The following UNC13C variants were observed in gnomAD, a reference collection of about 807,000 sequenced individuals.
UNC13C encodes the protein protein unc-13 homolog C.
In UNC13C, 174 loss-of-function variants were observed where a neutral mutation model predicts 245.4. That is an observed-to-expected ratio of 0.71 (90% CI 0.63 to 0.80). The LOEUF (loss-of-function observed/expected upper bound fraction) is 0.80, where lower values mean the gene tolerates loss of function less well. Ranked by LOEUF, UNC13C falls within the 30% of genes least tolerant of loss-of-function variation. The pLI, the probability that UNC13C is intolerant of heterozygous loss-of-function variation, is 0.00. For missense variants in UNC13C, 2,829 were observed against 2,602.9 expected, an observed-to-expected ratio of 1.09 and a Z score of -1.89; for synonymous variants, 992 against 895.1, an observed-to-expected ratio of 1.11 and a Z score of -1.93.
the UNC13C span, among the ~76,000 whole-genome samples, chr15:53,927,367 G>C: frequency 6.6e-6 from 1 of 152,132 alleles, no homozygotes; most frequent in Non-Finnish European, 1.5e-5. Context: ...TTGGGATGTG[G>C]GTGTAAGAGT....
intron 19 of UNC13C, among the ~76,000 whole-genome samples, chr15:54,443,662 C>A (rs1890652889): frequency 6.6e-6 from 1 of 151,896 alleles, no homozygotes; most frequent in Admixed American, 6.6e-5. Context: ...TTCATTGACC[C>A]AATGATCATT....
At chr15:54,342,391 C>T (rs1017303723) in intron 17 of UNC13C, among the ~76,000 whole-genome samples, 8 of 151,860 alleles carry the variant, frequency 5.3e-5, no homozygotes, top group African/African-American at 1.7e-4. Flanking sequence ...ATAGCAAGAC[C>T]CTATCTCTAC....
chr15:54,321,150 TCTTA>T, intron 13 of UNC13C: 1 of 518,594 alleles, frequency 1.9e-6, no homozygotes, highest in Non-Finnish European at 3.8e-6. Flanking sequence ...ACAGGGCTTT[TCTTA>T]CTTCACAGTT....
intron 19 of UNC13C, among the ~76,000 whole-genome samples, chr15:54,477,382 G>C (rs1892810851): frequency 9.7e-6 from 1 of 103,302 alleles, no homozygotes; most frequent in Non-Finnish European, 2.0e-5. Flanking sequence ...TCCCTGTCTT[G>C]TGCCACTTTT....
chr15:54,087,233 TAAATC>T (rs977487022), intron 2 of UNC13C, among the ~76,000 whole-genome samples: 33 of 152,102 alleles, frequency 2.2e-4, no homozygotes, highest in African/African-American at 6.3e-4. Flanking sequence ...TTAAAAAAAA[TAAATC>T]AAAGAGTCTT....
intron 4 of UNC13C, among the ~76,000 whole-genome samples, chr15:54,229,951 GT>G (rs544158738): frequency 4.0e-5 from 6 of 150,826 alleles, no homozygotes; most frequent in East Asian, 1.9e-4. Context: ...AAATTGTAGG[GT>G]TTTTTTTTAA....
intron 2 of UNC13C, among the ~76,000 whole-genome samples, chr15:54,097,590 A>G (rs1899937802): frequency 6.6e-6 from 1 of 152,232 alleles, no homozygotes; most frequent in South Asian, 2.1e-4. Flanking sequence ...AAAATATCAG[A>G]GGCACAGAAG....
chr15:53,994,100 G>A (rs2140964222), intron 1 of UNC13C, among the ~76,000 whole-genome samples: 1 of 151,874 alleles, frequency 6.6e-6, no homozygotes, highest in Non-Finnish European at 1.5e-5. Context: ...TATCTTTTGT[G>A]ATTATTTATT....
At chr15:54,490,036 G>A (rs1893624247) in intron 19 of UNC13C, among the ~76,000 whole-genome samples, 1 of 152,110 alleles carries the variant, frequency 6.6e-6, no homozygotes. Flanking sequence ...TGTCCACGGA[G>A]AACAATAAAT....
chr15:54,453,714 G>A (rs1891312917), intron 19 of UNC13C, among the ~76,000 whole-genome samples: 1 of 152,112 alleles, frequency 6.6e-6, no homozygotes, highest in African/African-American at 2.4e-5. Flanking sequence ...TTTCAACAGT[G>A]TTCACTGCCA....
chr15:53,965,813 G>A, the UNC13C span, among the ~76,000 whole-genome samples: 7,135 of 150,996 alleles, frequency 0.047, 268 homozygotes, highest in African/African-American at 0.1. Flanking sequence ...GAGAATATGC[G>A]GTGTTTGGTT....
At chr15:54,576,605 T>G (rs2141230989) in intron 30 of UNC13C, among the ~76,000 whole-genome samples, 1 of 152,272 alleles carries the variant, frequency 6.6e-6, no homozygotes, top group South Asian at 2.1e-4. Flanking sequence ...CCAAGCTAAA[T>G]GTAAGAAAAT....
At chr15:53,989,345 T>C (rs547026064) in intron 1 of UNC13C, among the ~76,000 whole-genome samples, 27 of 147,024 alleles carry the variant, frequency 1.8e-4, no homozygotes, top group Admixed American at 1.8e-3. Flanking sequence ...AAAAAAAAAA[T>C]GTAGGCAATG....
intron 30 of UNC13C, among the ~76,000 whole-genome samples, chr15:54,595,135 G>A (rs868627835): frequency 8.5e-5 from 13 of 152,168 alleles, no homozygotes; most frequent in South Asian, 2.1e-4. Flanking sequence ...TTAACTTATC[G>A]GGACTGATAC....
At chr15:54,243,749 GT>G (rs993991403) in intron 7 of UNC13C, among the ~76,000 whole-genome samples, 1 of 152,130 alleles carries the variant, frequency 6.6e-6, no homozygotes, top group Middle Eastern at 3.4e-3. Flanking sequence ...TTCTTTTCAT[GT>G]TTTTTTGACT....
chr15:53,848,252 C>G, the UNC13C span, among the ~76,000 whole-genome samples: 1 of 151,916 alleles, frequency 6.6e-6, no homozygotes, highest in Non-Finnish European at 1.5e-5. Context: ...GTTTAATTTG[C>G]TCTTATTTTT....
intron 17 of UNC13C, among the ~76,000 whole-genome samples, chr15:54,362,213 G>C (rs1456000361): frequency 1.3e-5 from 2 of 152,200 alleles, no homozygotes; most frequent in Non-Finnish European, 1.5e-5. Flanking sequence ...GGCACTCCCA[G>C]TCTTTCCAGT....
intron 2 of UNC13C, among the ~76,000 whole-genome samples, chr15:54,038,140 T>TTTTTC (rs1555406257): frequency 1.6e-5 from 2 of 127,584 alleles, no homozygotes; most frequent in African/African-American, 6.4e-5. Flanking sequence ...TTTTTTTTTT[T>TTTTTC]CCTGAGACAG....
chr15:54,111,699 T>G (rs1264968547), intron 2 of UNC13C, among the ~76,000 whole-genome samples: 1 of 152,120 alleles, frequency 6.6e-6, no homozygotes, highest in Non-Finnish European at 1.5e-5. Flanking sequence ...ACAGGAGAGG[T>G]CCCGCTCATC....
Sources: gnomAD v4.1 joint callset for allele counts (sites outside exome capture counted in the v4.1 genomes callset) on GRCh38, gnomAD v4.1.1 for gene constraint, MANE v1.5 for transcripts, NCBI Gene and HGNC (gene_info 2026-07-23, HGNC 2026-07-21) for gene names.